BABAM2: variants seen among roughly 807,000 people sequenced by gnomAD.
BABAM2 encodes the protein BRISC and BRCA1 A complex member 2.
In BABAM2, 31 loss-of-function variants were observed where a neutral mutation model predicts 54.7. That is an observed-to-expected ratio of 0.57 (90% CI 0.43 to 0.77). The LOEUF is 0.77. Among genes scored for constraint, BABAM2 ranks in the 30% least tolerant of loss-of-function variants. The pLI, the probability that BABAM2 is intolerant of heterozygous loss-of-function variation, is 0.00. For synonymous variants in BABAM2, 167 were observed against 162.9 expected (o/e 1.03, Z -0.19); for missense variants, 364 against 455.8 (o/e 0.80, Z 1.83).
chr2:27,955,315 G>A (rs1400571786), intron 3 of BABAM2, among the ~76,000 whole-genome samples: 1 of 152,226 alleles, frequency 6.6e-6, no homozygotes, highest in Non-Finnish European at 1.5e-5. Context: ...GCAGAAGGCA[G>A]CTGGCATACT....
chr2:28,261,955 CA>C (rs1437378441), intron 10 of BABAM2, among the ~76,000 whole-genome samples: 1 of 152,158 alleles, frequency 6.6e-6, no homozygotes, highest in African/African-American at 2.4e-5. Flanking sequence ...TGAAATAGCT[CA>C]CAATCTAGTG....
chr2:28,279,867 T>C (rs1419136155), intron 10 of BABAM2, among the ~76,000 whole-genome samples: 1 of 152,000 alleles, frequency 6.6e-6, no homozygotes, highest in Non-Finnish European at 1.5e-5. Flanking sequence ...GGTTTCTCCA[T>C]GTTGGTTAGG....
intron 11 of BABAM2, among the ~76,000 whole-genome samples, chr2:28,335,445 C>T (rs1470701474): frequency 6.6e-6 from 1 of 152,234 alleles, no homozygotes; most frequent in Non-Finnish European, 1.5e-5. Context: ...GCTGGGATTA[C>T]AGGCATGAGC....
chr2:27,913,756 C>G (rs1480637732), intron 2 of BABAM2, among the ~76,000 whole-genome samples: 2 of 152,136 alleles, frequency 1.3e-5, no homozygotes, highest in East Asian at 3.8e-4. Flanking sequence ...ACTCTTATTT[C>G]TGTACATTTT....
At chr2:27,905,024 T>G (rs1407794073) in intron 2 of BABAM2, among the ~76,000 whole-genome samples, 1 of 152,252 alleles carries the variant, frequency 6.6e-6, no homozygotes, top group Non-Finnish European at 1.5e-5. Flanking sequence ...TGTTTTATCA[T>G]TTAGCTGCTA....
chr2:28,159,571 A>G (rs180844095), intron 7 of BABAM2, among the ~76,000 whole-genome samples: 2 of 152,300 alleles, frequency 1.3e-5, no homozygotes, highest in Admixed American at 6.5e-5. Flanking sequence ...GTAGACCAAT[A>G]TGGATGTTTC....
chr2:28,337,688 T>C (rs922654259), intron 11 of BABAM2, among the ~76,000 whole-genome samples: 5 of 152,216 alleles, frequency 3.3e-5, no homozygotes, highest in African/African-American at 1.2e-4. Flanking sequence ...CCATGAATCA[T>C]TTAGAAATTA....
intron 5 of BABAM2, among the ~76,000 whole-genome samples, chr2:28,026,843 A>AATATATATTTATATATATATATAT (rs1553414445): frequency 2.5e-5 from 1 of 40,646 alleles, no homozygotes; most frequent in Non-Finnish European, 4.7e-5. Context: ...AATATATATA[A>AATATATATTTATATATATATATAT]ATATATATTT....
chr2:28,201,790 G>C (rs1426350756), intron 7 of BABAM2, among the ~76,000 whole-genome samples: 2 of 152,124 alleles, frequency 1.3e-5, no homozygotes, highest in Non-Finnish European at 2.9e-5. Context: ...ACGCTGGCAA[G>C]AAACTGCGGT....
intron 11 of BABAM2, among the ~76,000 whole-genome samples, chr2:28,317,035 T>C (rs934584820): frequency 1.3e-5 from 2 of 152,108 alleles, no homozygotes; most frequent in Non-Finnish European, 2.9e-5. Context: ...ACCTGATGAG[T>C]ATCCCCCAGA....
At chr2:28,093,103 T>C (rs1455596578) in intron 6 of BABAM2, among the ~76,000 whole-genome samples, 5 of 152,194 alleles carry the variant, frequency 3.3e-5, no homozygotes, top group Admixed American at 3.3e-4. Flanking sequence ...GTTATCTTGA[T>C]CCAGCTTTGA....
intron 4 of BABAM2, among the ~76,000 whole-genome samples, chr2:28,014,060 T>A (rs1674617066): frequency 1.3e-5 from 2 of 152,144 alleles, no homozygotes; most frequent in African/African-American, 4.8e-5. Flanking sequence ...GGGACATACT[T>A]TTCTTCACGT....
chr2:27,951,828 ATT>A (rs1328115635), intron 3 of BABAM2, among the ~76,000 whole-genome samples: 1 of 152,164 alleles, frequency 6.6e-6, no homozygotes, highest in Non-Finnish European at 1.5e-5. Flanking sequence ...GCTGCACCCT[ATT>A]TGTAGTCTTT....
intron 4 of BABAM2, chr2:28,013,383 C>T: frequency 2.2e-6 from 1 of 455,710 alleles, no homozygotes; most frequent in Non-Finnish European, 4.4e-6. Context: ...CTGGGTGAGG[C>T]TGCCTACTGA....
chr2:28,026,822 T>A lies in BABAM2; in HGVS notation c.495+1402T>A, dbSNP rs1442093406. ...ATATAAAAAATATATAAATATATAT[T>A]TATATATATAAATATATATAAATAT... On this transcript the variant is annotated intron_variant, in intron 5 of 11. Coordinates refer to ENST00000379624, the MANE Select transcript of BABAM2 (RefSeq NM_199191.3). Among the ~76,000 whole-genome samples the A allele has an allele frequency of 2.1e-3, 159 of 77,088 alleles. 1 individual carries two copies. The highest frequency in any genetic ancestry group is 9.3e-3 in the African/African-American group (138 of 14,846). The allele number at this position is 77,088 out of a possible 152,430, so 50.6% of individuals were successfully genotyped here.
intron 5 of BABAM2, among the ~76,000 whole-genome samples, chr2:28,042,193 A>G (rs1192334894): frequency 6.6e-6 from 1 of 152,202 alleles, no homozygotes; most frequent in Non-Finnish European, 1.5e-5. Flanking sequence ...ATATCAAGAG[A>G]AGAGCACAAA....
At chr2:27,965,447 T>G (rs1203954486) in intron 3 of BABAM2, among the ~76,000 whole-genome samples, 1 of 152,202 alleles carries the variant, frequency 6.6e-6, no homozygotes, top group Admixed American at 6.5e-5. Context: ...CTATTTCATA[T>G]GTCCTCCATC....
chr2:28,307,071 A>G (rs1480025802), intron 11 of BABAM2, among the ~76,000 whole-genome samples: 1 of 119,836 alleles, frequency 8.3e-6, no homozygotes, highest in African/African-American at 3.2e-5. Context: ...CAGTGGCGTG[A>G]TCTCGGCTCA....
intron 4 of BABAM2, among the ~76,000 whole-genome samples, chr2:28,015,414 T>C (rs1391510700): frequency 6.6e-6 from 1 of 152,210 alleles, no homozygotes; most frequent in Non-Finnish European, 1.5e-5. Flanking sequence ...ATCTTAAAGA[T>C]GTATCCAGAT....
Sources: allele counts gnomAD v4.1 joint callset (sites outside exome capture counted in the v4.1 genomes callset), GRCh38; gene constraint gnomAD v4.1.1; transcripts MANE v1.5; gene names NCBI Gene and HGNC (gene_info 2026-07-23, HGNC 2026-07-21).